The following KLK8 variants were observed in gnomAD, a reference collection of about 807,000 sequenced individuals.
KLK8 encodes kallikrein related peptidase 8.
A neutral mutation model predicts 26.7 loss-of-function variants in KLK8; 18 were observed. That is an observed-to-expected ratio of 0.67 (90% CI 0.47 to 1.00). The LOEUF (loss-of-function observed/expected upper bound fraction) is 1.00. KLK8 is among the 50% of genes least tolerant of loss of function. KLK8 has a pLI of 0.00. For missense variants in KLK8, 301 were observed against 331.7 expected (o/e 0.91, Z 0.72); for synonymous variants, 137 against 127.1 (o/e 1.08, Z -0.52).
exon 3 of KLK8, chr19:51,001,106 G>A (rs1320325619): frequency 4.3e-6 from 7 of 1,612,146 alleles, no homozygotes; most frequent in Non-Finnish European, 5.9e-6. Flanking sequence ...ACCTGCCCAG[G>A]CTCCCCCCAG....
chr19:51,001,221 T>C (rs1259525351), intron 2 of KLK8, 46 bp from the exon 2 acceptor site: 2 of 1,545,596 alleles, frequency 1.3e-6, no homozygotes, highest in Non-Finnish European at 1.8e-6. Flanking sequence ...AGGAGGAGCC[T>C]GAGCTCCCAG....
In KLK8 at chr19:51,001,317, G is replaced by T. The variant is rs531472106; in HGVS notation, c.-8-142C>A. The T allele has an allele frequency of 3.6e-4, 247 of 677,582 alleles. 1 individual carries two copies. The highest frequency in any genetic ancestry group is 3.2e-3 in the African/African-American group (181 of 56,244). 42.0% of individuals were successfully genotyped at this position (677,582 alleles called of 1,614,324 possible). ...GGAGGAAGGAGGAGGCTGGGGGACT[G>T]GATTCCTACATTCCAAGGGAGGGGG... On this transcript the variant is annotated intron_variant, in intron 2 of 6. Coordinates refer to ENST00000600767, the Ensembl canonical transcript of KLK8.
intron 6 of KLK8, among the ~76,000 whole-genome samples, chr19:50,997,460 G>A (rs2091180632): frequency 6.6e-6 from 1 of 152,136 alleles, no homozygotes; most frequent in Non-Finnish European, 1.5e-5. Context: ...CTCCTTGCTG[G>A]ACATCTACCC....
intron 5 of KLK8, among the ~76,000 whole-genome samples, chr19:50,999,753 C>T (rs759195432): frequency 6.6e-5 from 10 of 152,042 alleles, no homozygotes; most frequent in Middle Eastern, 3.4e-3. Context: ...TAGTGCTCTC[C>T]GCCATACAGG....
chr19:50,998,505 T>C (rs951399303), intron 5 of KLK8, among the ~76,000 whole-genome samples: 1 of 152,208 alleles, frequency 6.6e-6, no homozygotes, highest in Non-Finnish European at 1.5e-5. Context: ...TCAGGCATAC[T>C]AGGTGCTCAG....
Position 51,000,152 on chromosome 19 carries a change from C to T in KLK8, c.337G>A (p.Asp113Asn), listed in dbSNP as rs150074862. The change falls in exon 5 of 7, where the codon GAT (aspartate) becomes AAT (asparagine). Residue 113 changes from aspartate (D) to asparagine (N), a missense_variant. Asp to Asn is a conservative substitution (Grantham distance 23). Transcript: ENST00000600767. ...AGATCATGGTTGTGGTCCTCCACAT[C>T]GCTGCTGTTGTAGCAGGGGTGTGGG... The T allele has an allele frequency of 1.5e-5, 25 of 1,613,688 alleles. No homozygotes were observed. The highest frequency in any genetic ancestry group is 2.2e-5 in the East Asian group (1 of 44,878).
chr19:51,000,859 C>T (rs965909570), intron 3 of KLK8: 5 of 907,424 alleles, frequency 5.5e-6, no homozygotes, highest in African/African-American at 3.4e-5. Flanking sequence ...CAAGCAGCCC[C>T]CAAAGGCTGT....
chr19:50,999,583 CA>C (rs56988162), intron 5 of KLK8, among the ~76,000 whole-genome samples: 7 of 30,296 alleles, frequency 2.3e-4, no homozygotes, highest in Admixed American at 5.8e-4. Flanking sequence ...TGTCCCCCTG[CA>C]AAAAAAAAAA....
chr19:50,998,076 G>A, intron 5 of KLK8, 192 bp from the exon 5 acceptor site: 2 of 625,832 alleles, frequency 3.2e-6, no homozygotes, highest in Non-Finnish European at 5.4e-6. Context: ...TTGCTATTGG[G>A]CTTTCTCCAT....
intron 5 of KLK8, 32 bp from the exon 5 acceptor site, chr19:50,997,916 G>C (rs547265901): frequency 1.2e-6 from 2 of 1,612,474 alleles, no homozygotes; most frequent in Non-Finnish European, 1.7e-6. Flanking sequence ...GGTTCCCTGA[G>C]AGAGCAGCCC....
At chr19:51,000,993 C>T (rs543507771) in intron 3 of KLK8, 105 bp downstream of exon 2, 4 of 1,099,382 alleles carry the variant, frequency 3.6e-6, no homozygotes, top group East Asian at 2.6e-5. Context: ...TCTTCACATC[C>T]GTGCACACGC....
At chr19:51,001,201 G>C in intron 2 of KLK8, 26 bp from the exon 2 acceptor site, 12 of 1,597,768 alleles carry the variant, frequency 7.5e-6, no homozygotes, top group Non-Finnish European at 1.0e-5. Flanking sequence ...GGCGGGGCCG[G>C]TAAACAGGAA....
chr19:51,000,393 C>A (rs763328391), intron 4 of KLK8, 31 bp downstream of exon 3: 1 of 1,576,348 alleles, frequency 6.3e-7, no homozygotes, highest in African/African-American at 1.3e-5. Flanking sequence ...CCTTAAGCCC[C>A]AGCTGACCTC....
intron 3 of KLK8, chr19:51,000,817 C>G (rs751688288): frequency 4.0e-6 from 5 of 1,247,274 alleles, no homozygotes; most frequent in Admixed American, 5.6e-5. Context: ...CTACAGGCCC[C>G]GAGTACTCCC....
intron 4 of KLK8, 47 bp from the exon 4 acceptor site, chr19:51,000,305 C>T (rs748363336): frequency 6.5e-7 from 1 of 1,546,484 alleles, no homozygotes; most frequent in South Asian, 1.2e-5. Flanking sequence ...GTATTGCCCC[C>T]AGCCCCCTCC....
At chr19:51,000,751 T>C (rs781118949) in intron 3 of KLK8, 168 bp from the exon 3 acceptor site, 58 of 1,517,670 alleles carry the variant, frequency 3.8e-5, no homozygotes, top group Non-Finnish European at 5.0e-5. Context: ...TCAGTCCATG[T>C]GTCATCATAC....
At chr19:50,998,217 C>CAT (rs1186853218) in intron 5 of KLK8, among the ~76,000 whole-genome samples, 1 of 152,156 alleles carries the variant, frequency 6.6e-6, no homozygotes. Flanking sequence ...TTCCTGCCCT[C>CAT]AGACAACCGG....
At chr19:50,997,956 C>T in intron 5 of KLK8, 72 bp from the exon 5 acceptor site, 3 of 1,581,310 alleles carry the variant, frequency 1.9e-6, no homozygotes. Context: ...GGATCTAACC[C>T]CCTTTCTTTC....
At chr19:50,996,473 C>T (rs1359187344) in intron 6 of KLK8, among the ~76,000 whole-genome samples, 1 of 151,802 alleles carries the variant, frequency 6.6e-6, no homozygotes, top group Non-Finnish European at 1.5e-5. Context: ...GTGGCTCACA[C>T]CTGCAATCCC....
Sources: allele counts gnomAD v4.1 joint callset (sites outside exome capture counted in the v4.1 genomes callset), GRCh38; gene constraint gnomAD v4.1.1; transcripts MANE v1.5; gene names NCBI Gene and HGNC (gene_info 2026-07-23, HGNC 2026-07-21).